ERBB4: variants seen among roughly 807,000 people sequenced by gnomAD.
The protein encoded by ERBB4 is receptor tyrosine-protein kinase erbB-4.
A neutral mutation model predicts 158.0 loss-of-function variants in ERBB4; 42 were observed. The observed-to-expected ratio is 0.27, with a 90% CI of 0.21 to 0.34. The LOEUF (loss-of-function observed/expected upper bound fraction) is 0.34, where lower values mean the gene tolerates loss of function less well. Among genes scored for constraint, ERBB4 ranks in the 10% least tolerant of loss-of-function variants. The probability of loss-of-function intolerance (pLI) is 1.00; values close to 1 mark genes in which losing one functional copy is unlikely to be tolerated. For missense variants in ERBB4, 1,333 were observed against 1,624.1 expected (o/e 0.82, Z 3.08); for synonymous variants, 583 against 558.7 (o/e 1.04, Z -0.61).
chr2:212,265,936 T>C (rs1201636330), intron 1 of ERBB4, among the ~76,000 whole-genome samples: 2 of 152,052 alleles, frequency 1.3e-5, no homozygotes, highest in Non-Finnish European at 2.9e-5. Context: ...AAGTGGCATA[T>C]AGTATATAGG....
At chr2:212,084,848 A>T (rs1194770801) in intron 2 of ERBB4, among the ~76,000 whole-genome samples, 1 of 151,994 alleles carries the variant, frequency 6.6e-6, no homozygotes, top group African/African-American at 2.4e-5. Flanking sequence ...GTAAACTATC[A>T]TCCCTAGTAG....
intron 20 of ERBB4, among the ~76,000 whole-genome samples, chr2:211,475,297 T>C (rs10932375): frequency 0.22 from 34,039 of 151,912 alleles, 3,917 homozygotes; most frequent in African/African-American, 0.26. Context: ...TTCAGTATTG[T>C]TATAAATTTC....
intron 12 of ERBB4, among the ~76,000 whole-genome samples, chr2:211,695,850 T>G (rs952276158): frequency 6.6e-6 from 1 of 152,208 alleles, no homozygotes; most frequent in Non-Finnish European, 1.5e-5. Flanking sequence ...TATATATGAA[T>G]GTCTAATATA....
At chr2:211,838,305 C>T (rs116668362) in intron 3 of ERBB4, among the ~76,000 whole-genome samples, 4,530 of 152,066 alleles carry the variant, frequency 0.03, 70 homozygotes, top group African/African-American at 0.042. Context: ...CTCTTGACTT[C>T]CAATAATCAG....
intron 1 of ERBB4, among the ~76,000 whole-genome samples, chr2:212,261,224 ACAAGGTTAC>A (rs2084932716): frequency 2.0e-5 from 3 of 152,222 alleles, no homozygotes; most frequent in Non-Finnish European, 4.4e-5. Flanking sequence ...TTGATTATAT[ACAAGGTTAC>A]ACAAAGGATA....
intron 4 of ERBB4, among the ~76,000 whole-genome samples, chr2:211,772,882 T>C (rs1345302414): frequency 2.1e-4 from 21 of 99,864 alleles, no homozygotes; most frequent in African/African-American, 8.6e-4. Context: ...CATATATATA[T>C]ATACACACAC....
intron 2 of ERBB4, among the ~76,000 whole-genome samples, chr2:212,037,640 C>T (rs2077046102): frequency 6.6e-6 from 1 of 152,170 alleles, no homozygotes; most frequent in African/African-American, 2.4e-5. Context: ...CAAAGACTAA[C>T]ATTCTCTTGC....
intron 2 of ERBB4, among the ~76,000 whole-genome samples, chr2:212,005,958 A>G (rs530585025): frequency 1.3e-5 from 2 of 151,740 alleles, no homozygotes; most frequent in Non-Finnish European, 2.9e-5. Flanking sequence ...TAAAAACTAC[A>G]TATTAGGATT....
intron 1 of ERBB4, among the ~76,000 whole-genome samples, chr2:212,511,412 G>A (rs898852751): frequency 1.3e-5 from 2 of 152,160 alleles, no homozygotes; most frequent in African/African-American, 4.8e-5. Flanking sequence ...TCCAAAGAAA[G>A]AGTCGCTTAG....
Position 211,546,426 on chromosome 2 carries a change from T to G in ERBB4, c.2487+15477A>C, listed in dbSNP as rs558008160. On this transcript the variant is annotated intron_variant, in intron 20 of 27. Coordinates refer to ENST00000342788, the MANE Select transcript of ERBB4 (RefSeq NM_005235.3). ...AATTACCCTAAATTTTTAAACTTTCTTATAGAAGAATAGATTGGCATAAAG... is the reference window on the plus strand; with the variant it reads ...AATTACCCTAAATTTTTAAACTTTCGTATAGAAGAATAGATTGGCATAAAG... Among the ~76,000 whole-genome samples the G allele has an allele frequency of 2.0e-4, 30 of 152,246 alleles. 1 individual carries two copies. In the South Asian group the frequency reaches 5.8e-3, roughly 29 times the overall value.
At chr2:211,473,946 C>G (rs1053360805) in intron 20 of ERBB4, among the ~76,000 whole-genome samples, 3 of 151,986 alleles carry the variant, frequency 2.0e-5, no homozygotes, top group Non-Finnish European at 2.9e-5. Context: ...TGGGAAGGAT[C>G]CTGGGTTATC....
intron 5 of ERBB4, among the ~76,000 whole-genome samples, chr2:211,728,044 C>T (rs988663975): frequency 6.6e-6 from 1 of 151,766 alleles, no homozygotes; most frequent in Non-Finnish European, 1.5e-5. Context: ...CATAATAAAT[C>T]CCCTTGGACT....
chr2:211,614,076 C>A (rs1331682483), intron 19 of ERBB4, among the ~76,000 whole-genome samples: 1 of 151,834 alleles, frequency 6.6e-6, no homozygotes, highest in Non-Finnish European at 1.5e-5. Context: ...CACAGTGGAG[C>A]ACTATTCAGC....
intron 1 of ERBB4, among the ~76,000 whole-genome samples, chr2:212,255,264 A>ATG (rs1231137560): frequency 6.6e-6 from 1 of 152,202 alleles, no homozygotes; most frequent in Non-Finnish European, 1.5e-5. Flanking sequence ...TGAAAAATAT[A>ATG]TGTGTGTATA....
chr2:212,533,624 T>C (rs940566699), intron 1 of ERBB4, among the ~76,000 whole-genome samples: 8 of 152,188 alleles, frequency 5.3e-5, no homozygotes, highest in Non-Finnish European at 1.0e-4. Context: ...CATTATAAAC[T>C]GAAAACTCCA....
At chr2:211,815,649 A>G (rs894190345) in intron 3 of ERBB4, among the ~76,000 whole-genome samples, 13 of 152,204 alleles carry the variant, frequency 8.5e-5, no homozygotes, top group Admixed American at 5.9e-4. Context: ...TTAGATGTCA[A>G]CTAGACCAGA....
intron 1 of ERBB4, among the ~76,000 whole-genome samples, chr2:212,129,687 T>A (rs1453415280): frequency 6.6e-6 from 1 of 152,010 alleles, no homozygotes; most frequent in African/African-American, 2.4e-5. Context: ...GTATATACCT[T>A]CTTAAAATGG....
intron 19 of ERBB4, among the ~76,000 whole-genome samples, chr2:211,563,444 C>G (rs1460011232): frequency 3.3e-5 from 5 of 152,038 alleles, no homozygotes; most frequent in Non-Finnish European, 5.9e-5. Context: ...AAGAAACTGG[C>G]CTGTACTTAT....
chr2:212,284,365 C>T (rs1168472174), intron 1 of ERBB4, among the ~76,000 whole-genome samples: 1 of 152,068 alleles, frequency 6.6e-6, no homozygotes, highest in African/African-American at 2.4e-5. Context: ...GCCCTGTTTC[C>T]ACAAACATTT....
Sources: allele counts gnomAD v4.1 joint callset (sites outside exome capture counted in the v4.1 genomes callset), GRCh38; gene constraint gnomAD v4.1.1; transcripts MANE v1.5; gene names NCBI Gene and HGNC (gene_info 2026-07-23, HGNC 2026-07-21).